The following DISC1 variants were observed in gnomAD, a reference collection of about 807,000 sequenced individuals.
The protein encoded by DISC1 is DISC1 scaffold protein, also known as disrupted in schizophrenia 1 protein.
In DISC1, 57 loss-of-function variants were observed where a neutral mutation model predicts 84.5. The ratio of observed to expected loss-of-function variants is 0.67; its 90% CI spans 0.55 to 0.84. The LOEUF (loss-of-function observed/expected upper bound fraction) is 0.84, where lower values mean the gene tolerates loss of function less well. DISC1 is among the 40% of genes least tolerant of loss of function. The probability of loss-of-function intolerance (pLI) is 0.00; values close to 1 mark genes in which losing one functional copy is unlikely to be tolerated. For missense variants in DISC1, 1,000 were observed against 1,057.8 expected, an observed-to-expected ratio of 0.95 and a Z score of 0.76; for synonymous variants, 411 against 415.2, an observed-to-expected ratio of 0.99 and a Z score of 0.12.
At chr1:231,727,874 C>T (rs2070952123) in intron 3 of DISC1, among the ~76,000 whole-genome samples, 1 of 151,590 alleles carries the variant, frequency 6.6e-6, no homozygotes, top group Admixed American at 6.6e-5. Context: ...ATCGCTTGAG[C>T]CCAGGAGTTC....
In DISC1 at chr1:231,958,320, TG is replaced by T. The variant is rs1659875022; in HGVS notation, c.1982-506del. Among the ~76,000 whole-genome samples the T allele has an allele frequency of 2.0e-5, 3 of 152,228 alleles. No individual in the cohort carries two copies. The South Asian group carries it at 6.2e-4, about 31-fold the overall frequency. On this transcript the variant is annotated intron_variant, in intron 9 of 12. Coordinates refer to ENST00000439617, the MANE Select transcript of DISC1 (RefSeq NM_018662.3). ...AAGAGTAGCTGATCTCATCACTCAT[TG>T]GATGTTGAGCAGTTGATTTCTAGTT... is the stretch of plus-strand genomic sequence containing the variant.
At chr1:231,662,815 GA>G (rs1490961654) in intron 1 of DISC1, among the ~76,000 whole-genome samples, 1 of 152,098 alleles carries the variant, frequency 6.6e-6, no homozygotes, top group African/African-American at 2.4e-5. Context: ...TACACAAAAG[GA>G]AATGAGAAAG....
At chr1:231,649,026 T>C (rs906909790) in intron 1 of DISC1, among the ~76,000 whole-genome samples, 1 of 146,560 alleles carries the variant, frequency 6.8e-6, no homozygotes, top group African/African-American at 2.8e-5. Flanking sequence ...GATTCATTGA[T>C]TTTTTGAAGG....
At chr1:231,718,891 T>C (rs2069178117) in intron 3 of DISC1, among the ~76,000 whole-genome samples, 1 of 152,218 alleles carries the variant, frequency 6.6e-6, no homozygotes, top group Non-Finnish European at 1.5e-5. Context: ...CAATCCTAGC[T>C]TTTTAGAAGG....
rs186343453 is a variant in DISC1 at position 232,023,974 on chromosome 1, C to T, written c.2308-2461C>T. Among the ~76,000 whole-genome samples the T allele has an allele frequency of 1.8e-4, 28 of 151,742 alleles. No individual in the cohort carries two copies. In the East Asian group the frequency reaches 5.4e-3, roughly 29 times the overall value. The stretch of plus-strand genomic sequence containing the variant: ...GTCTACACTTCTGTGTAATCTCCTA[C>T]CCTCAATTTCATATCTTTGATTATT... On this transcript the variant is annotated intron_variant, in intron 11 of 12. Transcript: ENST00000439617.
chr1:231,958,710 A>T, intron 9 of DISC1, 118 bp from the exon 10 acceptor site: 1 of 1,019,718 alleles, frequency 9.8e-7, no homozygotes, highest in Non-Finnish European at 1.5e-6. Flanking sequence ...CAAACATAGA[A>T]TGTTACGATT....
In DISC1 at chr1:232,008,990, G is replaced by T. The variant is rs1667787380; in HGVS notation, c.2248G>T (p.Glu750Ter). ...AAGGAAGACCCCTTTGAAGGTATTGGAAGAATGGAAGACTCACCTCATCCC... is the reference window on the plus strand; with the variant it reads ...AAGGAAGACCCCTTTGAAGGTATTGTAAGAATGGAAGACTCACCTCATCCC... ...DKRKTPLKVL[E>*]EWKTHLIPSL... Residue 750 changes from glutamate to a stop codon, truncating the protein, a stop_gained, in exon 11 of 13, where the codon GAA (glutamate) becomes TAA (stop). Transcript: ENST00000439617. LOFTEE classifies it high-confidence loss of function. 5.0e-6 allele frequency: 8 copies of T among 1,613,752 alleles called. No homozygotes were observed. The highest frequency in any genetic ancestry group is 6.8e-6 in the Non-Finnish European group (8 of 1,179,862).
intron 3 of DISC1, among the ~76,000 whole-genome samples, chr1:231,703,575 A>G (rs1343818139): frequency 6.6e-6 from 1 of 152,200 alleles, no homozygotes; most frequent in Non-Finnish European, 1.5e-5. Flanking sequence ...AAGTAGGCCA[A>G]TCAGGCCCTA....
At chr1:231,923,545 T>C (rs891885757) in intron 9 of DISC1, among the ~76,000 whole-genome samples, 1 of 152,214 alleles carries the variant, frequency 6.6e-6, no homozygotes, top group Non-Finnish European at 1.5e-5. Context: ...AAGGAATCCT[T>C]AGTCACTGAT....
chr1:231,710,062 TCTGGAG>T (rs1437836497), intron 3 of DISC1, among the ~76,000 whole-genome samples: 3 of 152,092 alleles, frequency 2.0e-5, no homozygotes, highest in Non-Finnish European at 4.4e-5. Flanking sequence ...ACTTCGATCA[TCTGGAG>T]CCTCACACCT....
rs994706403 is a variant in DISC1, at chr1:231,720,044, G to A, written c.1117+18020G>A. 3.3e-5 allele frequency among the ~76,000 whole-genome samples: 5 copies of A among 152,210 alleles called. No individual in the cohort carries two copies. In the East Asian group the frequency reaches 7.7e-4, roughly 24 times the overall value. ...GACAGGCTTGATAGAACACTAACCC[G>A]ACAGGAGACAGACACTGAAGCAGCC... On this transcript the variant is annotated intron_variant, in intron 3 of 12. Transcript: ENST00000439617.
intron 1 of DISC1, among the ~76,000 whole-genome samples, chr1:231,667,821 A>G (rs531071709): frequency 6.6e-6 from 1 of 152,320 alleles, no homozygotes; most frequent in African/African-American, 2.4e-5. Context: ...ATTTATAAAG[A>G]TGCTTTTTCC....
rs150180425 is a variant in DISC1 at position 232,016,233 on chromosome 1, A to T, written c.2307+7184A>T. On this transcript the variant is annotated intron_variant, in intron 11 of 12. Transcript: ENST00000439617. ...TCAAATTTGTTTTACTATAAAGTGA[A>T]CATGGATGGAGTTTGGGATTTGATT... Among the ~76,000 whole-genome samples the T allele has an allele frequency of 2.7e-4, 41 of 152,370 alleles. No individual in the cohort carries two copies. In the East Asian group the frequency reaches 6.2e-3, roughly 23 times the overall value.
chr1:231,982,809 A>G (rs926751066), intron 10 of DISC1, among the ~76,000 whole-genome samples: 5 of 152,300 alleles, frequency 3.3e-5, no homozygotes, highest in Non-Finnish European at 5.9e-5. Flanking sequence ...AGCTGAGGGC[A>G]TGGGAGGGTA....
chr1:231,775,614 A>C (rs1342546401), intron 6 of DISC1, among the ~76,000 whole-genome samples: 1 of 152,194 alleles, frequency 6.6e-6, no homozygotes, highest in Non-Finnish European at 1.5e-5. Context: ...GAACAAAAGG[A>C]GAACCCTTTT....
intron 2 of DISC1, 40 bp downstream of exon 2, chr1:231,694,845 G>A: frequency 6.2e-7 from 1 of 1,605,838 alleles, no homozygotes; most frequent in East Asian, 2.2e-5. Flanking sequence ...AGATTGTCGT[G>A]AGCTCAGATT....
intron 3 of DISC1, among the ~76,000 whole-genome samples, chr1:231,705,425 G>A (rs981459738): frequency 4.6e-5 from 7 of 151,628 alleles, no homozygotes; most frequent in Non-Finnish European, 4.4e-5. Context: ...TGGAGGAGGA[G>A]GCAGTTTAGA....
rs527696450 is a variant in DISC1 at position 231,758,895 on chromosome 1, G to A, written c.1269-8245G>A. Among the ~76,000 whole-genome samples, 4 of 152,272 alleles carry A rather than the reference G, an allele frequency of 2.6e-5. No individual in the cohort carries two copies. In the South Asian group the frequency reaches 6.2e-4, roughly 24 times the overall value. On this transcript the variant is annotated intron_variant, in intron 4 of 12. Transcript: ENST00000439617. ...GTGAAAACTGGTCCTATTTGTAACC[G>A]AAATTGTGTGTGTGCATGTATGTGT...
At chr1:232,028,927 G>A (rs115363452) in intron 12 of DISC1, among the ~76,000 whole-genome samples, 2,973 of 151,996 alleles carry the variant, frequency 0.02, 96 homozygotes, top group African/African-American at 0.068. Context: ...CTTGACAGTC[G>A]AAAAAAACAA....
Sources: allele counts gnomAD v4.1 joint callset (sites outside exome capture counted in the v4.1 genomes callset), GRCh38; gene constraint gnomAD v4.1.1; transcripts MANE v1.5; gene names NCBI Gene and HGNC (gene_info 2026-07-23, HGNC 2026-07-21).